Variants in PACS1 observed in about 807,000 individuals in gnomAD.
PACS1 encodes PACS-1.
In PACS1, 24 loss-of-function variants were observed where a neutral mutation model predicts 115.0. That is an observed-to-expected ratio of 0.21 (90% CI 0.15 to 0.29). PACS1 has a LOEUF of 0.29. Among genes scored for constraint, PACS1 ranks in the 10% least tolerant of loss-of-function variants. The probability of loss-of-function intolerance (pLI) is 1.00; values close to 1 mark genes in which losing one functional copy is unlikely to be tolerated. For missense variants in PACS1, 838 were observed against 1,251.2 expected, an observed-to-expected ratio of 0.67 and a Z score of 4.98; for synonymous variants, 453 against 504.5, an observed-to-expected ratio of 0.90 and a Z score of 1.37.
chr11:66,073,519 C>G (rs984292276), intron 1 of PACS1, among the ~76,000 whole-genome samples: 2 of 152,100 alleles, frequency 1.3e-5, no homozygotes, highest in African/African-American at 2.4e-5. Flanking sequence ...TGCTGCTTTT[C>G]TTGATGCCTG....
intron 1 of PACS1, among the ~76,000 whole-genome samples, chr11:66,129,131 A>T (rs545317263): frequency 2.0e-5 from 3 of 151,972 alleles, no homozygotes; most frequent in Non-Finnish European, 4.4e-5. Flanking sequence ...TTAAAAATTG[A>T]TTAAAGTTAG....
intron 2 of PACS1, among the ~76,000 whole-genome samples, chr11:66,194,613 G>A (rs959610141): frequency 1.3e-5 from 2 of 152,152 alleles, no homozygotes; most frequent in Non-Finnish European, 2.9e-5. Flanking sequence ...AATCCTTTCT[G>A]CTGATGACTC....
chr11:66,072,377 A>G (rs1857323548), intron 1 of PACS1, among the ~76,000 whole-genome samples: 1 of 152,180 alleles, frequency 6.6e-6, no homozygotes, highest in African/African-American at 2.4e-5. Context: ...GCTCTTGTGC[A>G]GAAGTTTCTT....
Position 66,243,461 on chromosome 11 carries a change from C to T in PACS1, c.*181C>T. 3.3e-6 allele frequency: 2 copies of T among 601,260 alleles called. No individual in the cohort carries two copies. The highest frequency in any genetic ancestry group is 3.0e-6 in the Non-Finnish European group (1 of 334,986). The allele number at this position is 601,260 out of a possible 1,614,324, so 37.2% of individuals were successfully genotyped here. Reference sequence around the variant, plus strand: ...CGCCTTCCCTCCCCTCCCCTCCAGCCCACCCCTGCACAGCCCCTCCTCCTT... The same window carrying T: ...CGCCTTCCCTCCCCTCCCCTCCAGCTCACCCCTGCACAGCCCCTCCTCCTT... On this transcript the variant is annotated 3_prime_UTR_variant, in exon 24 of 24. Coordinates refer to ENST00000320580, the MANE Select transcript of PACS1 (RefSeq NM_018026.4).
chr11:66,234,368 CCATT>C (rs1274062754), intron 17 of PACS1, 126 bp downstream of exon 17: 18 of 714,446 alleles, frequency 2.5e-5, no homozygotes, highest in Non-Finnish European at 4.4e-5. Flanking sequence ...GTCACTCTGT[CCATT>C]CATTTTTCCA....
chr11:66,104,208 G>T (rs553142977), intron 1 of PACS1, among the ~76,000 whole-genome samples: 1 of 152,202 alleles, frequency 6.6e-6, no homozygotes, highest in East Asian at 1.9e-4. Flanking sequence ...ATCAGGGACC[G>T]TGTGTAAGTG....
At chr11:66,188,907 T>C (rs1199756044) in intron 1 of PACS1, among the ~76,000 whole-genome samples, 1 of 152,250 alleles carries the variant, frequency 6.6e-6, no homozygotes, top group African/African-American at 2.4e-5. Flanking sequence ...AAAATAATTC[T>C]TCTAATTTGC....
intron 9 of PACS1, 109 bp from the exon 10 acceptor site, chr11:66,221,045 G>T: frequency 9.2e-7 from 1 of 1,083,316 alleles, no homozygotes; most frequent in South Asian, 1.3e-5. Context: ...CGGGCGTTCT[G>T]GACACCTGTA....
intron 1 of PACS1, among the ~76,000 whole-genome samples, chr11:66,178,949 A>G (rs1265472008): frequency 3.3e-5 from 5 of 152,210 alleles, no homozygotes; most frequent in African/African-American, 7.2e-5. Flanking sequence ...TATCACACTT[A>G]AAGAACCACT....
At chr11:66,102,187 A>G (rs17147315) in intron 1 of PACS1, among the ~76,000 whole-genome samples, 2,547 of 152,158 alleles carry the variant, frequency 0.017, 68 homozygotes, top group African/African-American at 0.058. Context: ...AGAAGGATTT[A>G]TTTGCCCCTT....
rs988272362 is a variant in PACS1, at chr11:66,090,038, G to A, written c.356+19196G>A. 2.0e-5 allele frequency among the ~76,000 whole-genome samples: 3 copies of A among 147,670 alleles called. No individual in the cohort carries two copies. The East Asian group carries it at 5.9e-4, about 29-fold the overall frequency. ...AAAAAAAAAAAAAGAAATGCCATTG[G>A]TATAAATTCAAGTATTTGTTAACTC... On this transcript the variant is annotated intron_variant, in intron 1 of 23. Transcript: ENST00000320580.
chr11:66,176,094 T>G (rs1478021969), intron 1 of PACS1, among the ~76,000 whole-genome samples: 1 of 152,204 alleles, frequency 6.6e-6, no homozygotes, highest in African/African-American at 2.4e-5. Flanking sequence ...AATTTCAACT[T>G]TTCTTTTAGA....
intron 2 of PACS1, among the ~76,000 whole-genome samples, chr11:66,197,326 TTCCTAG>T (rs1320193884): frequency 6.6e-6 from 1 of 152,184 alleles, no homozygotes; most frequent in Non-Finnish European, 1.5e-5. Context: ...GACTTCAGAT[TTCCTAG>T]TTTTTTCATT....
At chr11:66,211,983 A>G (rs754861004) in intron 4 of PACS1, among the ~76,000 whole-genome samples, 11 of 152,130 alleles carry the variant, frequency 7.2e-5, no homozygotes, top group Non-Finnish European at 1.5e-4. Flanking sequence ...TCCTCAGTCC[A>G]GGTTCGCCTG....
At chr11:66,084,078 G>GA (rs1278649223) in intron 1 of PACS1, 1 of 152,464 alleles carries the variant, frequency 6.6e-6, no homozygotes, top group Non-Finnish European at 1.5e-5. Context: ...GCAGCAGGCA[G>GA]TAGTGAGTGA....
Position 66,191,075 on chromosome 11 carries a change from G to A in PACS1, c.357-2411G>A, listed in dbSNP as rs369993905. 6.2e-4 allele frequency among the ~76,000 whole-genome samples: 94 copies of A among 152,318 alleles called. 2 individuals are homozygous for A. The highest frequency in any genetic ancestry group is 2.2e-3 in the African/African-American group (90 of 41,568). Reference sequence around the variant, plus strand: ...AGAAGTCCAAAATAGGTTTCACTGGGCAGCACGGAAGGTGTGGACAGGGTG... The same window carrying A: ...AGAAGTCCAAAATAGGTTTCACTGGACAGCACGGAAGGTGTGGACAGGGTG... On this transcript the variant is annotated intron_variant, in intron 1 of 23. Transcript: ENST00000320580.
chr11:66,076,642 C>T (rs146192827), intron 1 of PACS1, among the ~76,000 whole-genome samples: 2,133 of 152,310 alleles, frequency 0.014, 22 homozygotes, highest in Non-Finnish European at 0.023. Context: ...ATCCGGCGGC[C>T]TCGGCCTCCC....
intron 9 of PACS1, among the ~76,000 whole-genome samples, 153 bp from the exon 10 acceptor site, chr11:66,221,001 G>A (rs940729118): frequency 2.0e-5 from 3 of 152,016 alleles, no homozygotes; most frequent in Admixed American, 1.3e-4. Context: ...CTCCTGACCC[G>A]CCCCTCCTCT....
chr11:66,070,439 G>A lies in PACS1; in HGVS notation c.-48G>A. On this transcript the variant is annotated 5_prime_UTR_variant, in exon 1 of 24. Coordinates refer to ENST00000320580, the MANE Select transcript of PACS1 (RefSeq NM_018026.4). The surrounding 1 kb of genome is among the most constrained non-coding windows in gnomAD (Gnocchi z 5.9). The stretch of plus-strand genomic sequence containing the variant: ...CCGCCGCCGCGGGGGAAGCCTGGGA[G>A]CCAGATCGGCGTCGCCTCGGCCTCC... 1 of 1,122,162 alleles carries A rather than the reference G, an allele frequency of 8.9e-7. No homozygotes were observed. The highest frequency in any genetic ancestry group is 1.1e-6 in the Non-Finnish European group (1 of 891,074). The allele number at this position is 1,122,162 out of a possible 1,614,324, so 69.5% of individuals were successfully genotyped here. A position where few individuals can be genotyped will look rare whatever the true frequency, so the allele number is the denominator to read the frequency against.
Sources: gnomAD v4.1 joint callset for allele counts (sites outside exome capture counted in the v4.1 genomes callset) on GRCh38, gnomAD v4.1.1 for gene constraint, Gnocchi (gnomAD v3.1) non-coding constraint, MANE v1.5 for transcripts, NCBI Gene and HGNC (gene_info 2026-07-23, HGNC 2026-07-21) for gene names.